Variants in PHF24 observed in about 807,000 individuals in gnomAD.
PHF24 encodes the protein Galpha inhibitory interacting protein.
In PHF24, 25 loss-of-function variants were observed where a neutral mutation model predicts 42.6. That is an observed-to-expected ratio of 0.59 (90% CI 0.43 to 0.82). PHF24 has a LOEUF of 0.82. Among genes scored for constraint, PHF24 ranks in the 40% least tolerant of loss-of-function variants. PHF24 has a pLI of 0.00. For synonymous variants in PHF24, 185 were observed against 204.8 expected, an observed-to-expected ratio of 0.90 and a Z score of 0.83; for missense variants, 470 against 538.1, an observed-to-expected ratio of 0.87 and a Z score of 1.25.
chr9:34,761,408 A>G, the PHF24 span, among the ~76,000 whole-genome samples: 3 of 152,318 alleles, frequency 2.0e-5, no homozygotes, highest in South Asian at 6.2e-4. Flanking sequence ...CTAGGAGTAC[A>G]GAAAAGAACA....
chr9:34,669,687 T>C, the PHF24 span, among the ~76,000 whole-genome samples: 1 of 152,086 alleles, frequency 6.6e-6, no homozygotes, highest in African/African-American at 2.4e-5. Context: ...CCTAAAACTT[T>C]CATTTTCTAC....
chr9:34,821,178 T>C, the PHF24 span, among the ~76,000 whole-genome samples: 2 of 152,230 alleles, frequency 1.3e-5, no homozygotes, highest in African/African-American at 4.8e-5. Flanking sequence ...TTAAGGTAAT[T>C]AATGATATGA....
chr9:34,931,637 G>A, the PHF24 span, among the ~76,000 whole-genome samples: 1 of 151,950 alleles, frequency 6.6e-6, no homozygotes, highest in African/African-American at 2.4e-5. Context: ...CTTCTTTCCC[G>A]GTCCTGCTGC....
At chr9:34,884,699 C>A in the PHF24 span, among the ~76,000 whole-genome samples, 3 of 152,312 alleles carry the variant, frequency 2.0e-5, no homozygotes, top group Admixed American at 6.5e-5. Flanking sequence ...GGATCTCCAA[C>A]AAGATGGAAT....
At chr9:34,973,939 T>C (rs531663701) in intron 3 of PHF24, among the ~76,000 whole-genome samples, 71 of 152,212 alleles carry the variant, frequency 4.7e-4, no homozygotes, top group Non-Finnish European at 8.1e-4. Context: ...CACTGGGCTT[T>C]TTACAGAGCC....
chr9:34,918,118 G>T, the PHF24 span: 1 of 1,551,308 alleles, frequency 6.4e-7, no homozygotes. Flanking sequence ...TTTTCTGCTG[G>T]TGTAGCCAAT....
intron 7 of PHF24, 31 bp from the exon 8 acceptor site, chr9:34,977,984 C>T (rs779250385): frequency 2.6e-6 from 4 of 1,562,776 alleles, no homozygotes; most frequent in Non-Finnish European, 3.5e-6. Context: ...TCAAACCAGC[C>T]TCACGACTCT....
the PHF24 span, among the ~76,000 whole-genome samples, chr9:34,796,727 A>C: frequency 6.6e-6 from 1 of 152,248 alleles, no homozygotes; most frequent in African/African-American, 2.4e-5. Context: ...GCAAGATAGC[A>C]CAGCCACTCT....
the PHF24 span, among the ~76,000 whole-genome samples, chr9:34,778,117 A>G: frequency 6.6e-6 from 1 of 152,170 alleles, no homozygotes; most frequent in African/African-American, 2.4e-5. Flanking sequence ...TGGATGATCT[A>G]TTCAAAGTGT....
chr9:34,747,724 T>G, the PHF24 span, among the ~76,000 whole-genome samples: 2 of 152,164 alleles, frequency 1.3e-5, no homozygotes, highest in South Asian at 4.1e-4. Context: ...ACAACCACTA[T>G]AGAAAACTGT....
At chr9:34,729,984 G>A in the PHF24 span, among the ~76,000 whole-genome samples, 1 of 152,164 alleles carries the variant, frequency 6.6e-6, no homozygotes, top group Non-Finnish European at 1.5e-5. Context: ...TGGCTGATGT[G>A]GTAGGGTGGT....
the PHF24 span, among the ~76,000 whole-genome samples, chr9:34,688,588 C>G: frequency 6.6e-6 from 1 of 152,146 alleles, no homozygotes; most frequent in African/African-American, 2.4e-5. Flanking sequence ...TCTTCCACCC[C>G]GTGGGCCTCT....
the PHF24 span, among the ~76,000 whole-genome samples, chr9:34,914,006 TTTAGAG>T: frequency 0.07 from 10,606 of 152,180 alleles, 554 homozygotes; most frequent in African/African-American, 0.15. Context: ...ATCCTGAGCC[TTTAGAG>T]TTATTTGGCT....
chr9:34,875,942 ACACACACACTCTCTCTCTCT>A, the PHF24 span, among the ~76,000 whole-genome samples: 39 of 86,774 alleles, frequency 4.5e-4, no homozygotes, highest in East Asian at 1.8e-3. Flanking sequence ...ACACACACAC[ACACACACACTCTCTCTCTCT>A]CTCTCTCTCT....
chr9:34,800,655 A>G, the PHF24 span, among the ~76,000 whole-genome samples: 1 of 152,224 alleles, frequency 6.6e-6, no homozygotes, highest in African/African-American at 2.4e-5. Context: ...TACACCTTAA[A>G]CAAAAATTAA....
chr9:34,809,636 T>A, the PHF24 span, among the ~76,000 whole-genome samples: 1 of 152,218 alleles, frequency 6.6e-6, no homozygotes, highest in African/African-American at 2.4e-5. The surrounding 1 kb of genome is among the most constrained non-coding windows in gnomAD (Gnocchi z 4.1). Flanking sequence ...GGTGGGCAGC[T>A]TGGCGAGAGA....
intron 7 of PHF24, 126 bp downstream of exon 7, chr9:34,977,767 A>T: frequency 1.2e-6 from 1 of 863,434 alleles, no homozygotes; most frequent in African/African-American, 1.7e-5. Context: ...CCAGGCTCCA[A>T]GAGTGCACAT....
At chr9:34,751,396 T>A in the PHF24 span, among the ~76,000 whole-genome samples, 13 of 151,638 alleles carry the variant, frequency 8.6e-5, no homozygotes, top group African/African-American at 2.9e-4. Flanking sequence ...AGAGTAGGAG[T>A]AGCTATCCTT....
At chr9:34,837,072 A>G in the PHF24 span, 25 of 471,330 alleles carry the variant, frequency 5.3e-5, no homozygotes, top group African/African-American at 4.8e-4. Flanking sequence ...TCACCTTTTC[A>G]TGACAGAGAA....
Sources: allele counts gnomAD v4.1 joint callset (sites outside exome capture counted in the v4.1 genomes callset), GRCh38; gene constraint gnomAD v4.1.1; non-coding constraint Gnocchi (gnomAD v3.1); transcripts MANE v1.5; gene names NCBI Gene and HGNC (gene_info 2026-07-23, HGNC 2026-07-21).